The following GREB1L variants were observed in gnomAD, a reference collection of about 807,000 sequenced individuals.
GREB1L encodes GREB1-like protein.
GREB1L carries 17 observed loss-of-function variants against 200.8 expected under a neutral mutation model. That is an observed-to-expected ratio of 0.08 (90% CI 0.06 to 0.13). GREB1L has a LOEUF of 0.13. Ranked by LOEUF, GREB1L falls within the 10% of genes least tolerant of loss-of-function variation. The pLI is 1.00. For synonymous variants in GREB1L, 789 were observed against 893.0 expected (o/e 0.88, Z 2.08); for missense variants, 1,657 against 2,367.7 (o/e 0.70, Z 6.23).
intron 1 of GREB1L, among the ~76,000 whole-genome samples, chr18:21,355,226 C>T (rs2039486622): frequency 6.8e-6 from 1 of 147,472 alleles, no homozygotes; most frequent in Non-Finnish European, 1.5e-5. Context: ...TGGAGGCTTG[C>T]TCTGAAGCCT....
Position 21,439,515 on chromosome 18 carries a change from C to G in GREB1L, c.833-6C>G. 2 of 1,510,048 alleles carry G rather than the reference C, an allele frequency of 1.3e-6. No homozygotes were observed. The highest frequency in any genetic ancestry group is 1.8e-6 in the Non-Finnish European group (2 of 1,108,784). The allele number at this position is 1,510,048 out of a possible 1,614,324, so 93.5% of individuals were successfully genotyped here. A position where few individuals can be genotyped will look rare whatever the true frequency, so the allele number is the denominator to read the frequency against. On this transcript the variant is annotated splice_region_variant and splice_polypyrimidine_tract_variant and intron_variant, in intron 7 of 32. Coordinates refer to ENST00000424526, the MANE Select transcript of GREB1L (RefSeq NM_001142966.3). ...TTCTGAGCACTCCTCTCCTTGTGTT[C>G]TACAGATGCTGCTAATGGAAACAGT... is the stretch of plus-strand genomic sequence containing the variant.
intron 17 of GREB1L, among the ~76,000 whole-genome samples, chr18:21,483,220 G>C (rs1169152148): frequency 6.6e-6 from 1 of 152,210 alleles, no homozygotes; most frequent in Non-Finnish European, 1.5e-5. Flanking sequence ...GCTGTGTCAG[G>C]AAGAGCAGCA....
intron 7 of GREB1L, among the ~76,000 whole-genome samples, chr18:21,425,378 G>C (rs1304342303): frequency 6.6e-6 from 1 of 152,148 alleles, no homozygotes. Flanking sequence ...CAGGTTTTTG[G>C]CTGGATGCGT....
In GREB1L at chr18:21,426,973, CAA is replaced by C. The variant is rs56776768; in HGVS notation, c.833-12535_833-12534del. Among the ~76,000 whole-genome samples the C allele has an allele frequency of 8.8e-3, 737 of 83,770 alleles. 9 individuals carry two copies. Among genetic ancestry groups the C allele is most frequent in the African/African-American group, 0.023 (710 of 31,086 alleles). The allele number at this position is 83,770 out of a possible 152,430, so 55.0% of individuals were successfully genotyped here. On this transcript the variant is annotated intron_variant, in intron 7 of 32. Coordinates refer to ENST00000424526, the MANE Select transcript of GREB1L (RefSeq NM_001142966.3). ...GACTACGTCTCAAAAAAAAAAAAAACAAAAAAAAAAAAAACAAAAAAAAAAAA... is the reference window on the plus strand; with the variant it reads ...GACTACGTCTCAAAAAAAAAAAAAACAAAAAAAAAAAACAAAAAAAAAAAA...
intron 25 of GREB1L, among the ~76,000 whole-genome samples, chr18:21,507,413 G>A (rs903605058): frequency 4.6e-5 from 7 of 152,262 alleles, no homozygotes; most frequent in Admixed American, 1.3e-4. Context: ...AACCTACTTC[G>A]ATTCTAGTTG....
intron 7 of GREB1L, among the ~76,000 whole-genome samples, chr18:21,426,958 C>CAAAAAAAAAAAAAAAAAAAA (rs568993346): frequency 1.5e-5 from 1 of 68,426 alleles, no homozygotes; most frequent in African/African-American, 3.8e-5. Context: ...GACTACGTCT[C>CAAAAAAAAAAAAAAAAAAAA]AAAAAAAAAA....
intron 1 of GREB1L, among the ~76,000 whole-genome samples, chr18:21,250,080 C>G (rs2037676829): frequency 6.6e-6 from 1 of 151,952 alleles, no homozygotes; most frequent in African/African-American, 2.4e-5. Flanking sequence ...AGGGACTGAG[C>G]CACTGGAAAG....
chr18:21,459,308 G>C (rs1169105426), intron 15 of GREB1L, among the ~76,000 whole-genome samples: 1 of 126,976 alleles, frequency 7.9e-6, no homozygotes, highest in South Asian at 2.6e-4. Flanking sequence ...TTTTTGAGAC[G>C]GAGTTTCACT....
At chr18:21,295,013 T>C (rs2038505050) in intron 1 of GREB1L, among the ~76,000 whole-genome samples, 1 of 152,232 alleles carries the variant, frequency 6.6e-6, no homozygotes, top group African/African-American at 2.4e-5. Flanking sequence ...GTCTCTAATT[T>C]CATATTTAAA....
At chr18:21,429,117 TCC>T in intron 7 of GREB1L, among the ~76,000 whole-genome samples, 1 of 70,740 alleles carries the variant, frequency 1.4e-5, no homozygotes, top group South Asian at 5.5e-4. Context: ...CTCCCTTCCT[TCC>T]TTCCTTCCTT....
intron 14 of GREB1L, chr18:21,452,455 T>G (rs1238125972): frequency 6.4e-5 from 29 of 452,194 alleles, no homozygotes; most frequent in Non-Finnish European, 7.7e-5. Context: ...GACTTTATCT[T>G]AAGCACTCTC....
chr18:21,286,700 C>T (rs2038363123), intron 1 of GREB1L, among the ~76,000 whole-genome samples: 1 of 152,222 alleles, frequency 6.6e-6, no homozygotes, highest in Non-Finnish European at 1.5e-5. Context: ...CAGGCACTCA[C>T]TTTGTCACCC....
At chr18:21,363,283 CCCCG>C in intron 1 of GREB1L, among the ~76,000 whole-genome samples, 1 of 67,766 alleles carries the variant, frequency 1.5e-5, no homozygotes, top group African/African-American at 6.0e-5. Context: ...TCCGCCTCCC[CCCCG>C]CCCCCCCCCC....
chr18:21,328,937 T>TCA (rs2039065240), intron 1 of GREB1L, among the ~76,000 whole-genome samples: 1 of 152,106 alleles, frequency 6.6e-6, no homozygotes, highest in Non-Finnish European at 1.5e-5. Context: ...AGAGACTGAG[T>TCA]CACACACACC....
intron 27 of GREB1L, among the ~76,000 whole-genome samples, chr18:21,511,210 C>A (rs981123549): frequency 6.6e-6 from 1 of 151,988 alleles, no homozygotes; most frequent in Admixed American, 6.6e-5. Context: ...ACTAAAAATA[C>A]AAAATTAGCC....
At chr18:21,494,802 G>T (rs1352449606) in intron 19 of GREB1L, among the ~76,000 whole-genome samples, 1 of 152,060 alleles carries the variant, frequency 6.6e-6, no homozygotes, top group Non-Finnish European at 1.5e-5. Flanking sequence ...TTAAGAGATG[G>T]TTATTTTTCT....
chr18:21,450,970 C>T, intron 12 of GREB1L, 53 bp from the exon 13 acceptor site: 1 of 1,512,300 alleles, frequency 6.6e-7, no homozygotes, highest in Non-Finnish European at 9.0e-7. Context: ...AAGTAATGTT[C>T]CAGCAACATT....
At chr18:21,311,998 T>G (rs1302553800) in intron 1 of GREB1L, among the ~76,000 whole-genome samples, 1 of 152,094 alleles carries the variant, frequency 6.6e-6, no homozygotes, top group Admixed American at 6.6e-5. Context: ...CACCCGCAAG[T>G]AGGCCCCAGT....
chr18:21,468,722 C>G (rs981887871), intron 15 of GREB1L: 5 of 456,490 alleles, frequency 1.1e-5, no homozygotes, highest in African/African-American at 2.0e-5. Flanking sequence ...TTTTCCTGTT[C>G]CAGGTTCCAG....
Sources: gnomAD v4.1 joint callset for allele counts (sites outside exome capture counted in the v4.1 genomes callset) on GRCh38, gnomAD v4.1.1 for gene constraint, MANE v1.5 for transcripts, NCBI Gene and HGNC (gene_info 2026-07-23, HGNC 2026-07-21) for gene names.